WWC2: variants seen among roughly 807,000 people sequenced by gnomAD.
WWC2 encodes protein WWC2.
Under a neutral mutation model 138.5 loss-of-function variants are expected in WWC2, and 101 were observed. The observed-to-expected ratio is 0.73, with a 90% confidence interval of 0.62 to 0.86. WWC2 has a LOEUF of 0.86. Ranked by LOEUF, WWC2 falls within the 40% of genes least tolerant of loss-of-function variation. WWC2 has a pLI of 0.00. For missense variants in WWC2, 1,420 were observed against 1,419.4 expected (o/e 1.00, Z -0.01); for synonymous variants, 558 against 538.4 (o/e 1.04, Z -0.50).
chr4:183,226,095 C>CTTTTTTTTTTTTTTTT (rs11321151), intron 4 of WWC2, among the ~76,000 whole-genome samples: 8 of 113,520 alleles, frequency 7.0e-5, no homozygotes, highest in East Asian at 2.2e-4. Flanking sequence ...CTTTTCTTTT[C>CTTTTTTTTTTTTTTTT]TTTTTTTTTT....
chr4:183,119,254 T>C (rs955172063), intron 1 of WWC2, among the ~76,000 whole-genome samples: 4 of 152,156 alleles, frequency 2.6e-5, no homozygotes, highest in Non-Finnish European at 4.4e-5. Flanking sequence ...AGAAGGGCAC[T>C]AGGAATTTGG....
intron 21 of WWC2, among the ~76,000 whole-genome samples, chr4:183,301,069 A>G (rs1738824741): frequency 6.6e-6 from 1 of 152,126 alleles, no homozygotes; most frequent in African/African-American, 2.4e-5. Context: ...CAGTCAACAG[A>G]TGTCTGTTTT....
At chr4:183,272,017 G>C (rs949110843) in intron 16 of WWC2, among the ~76,000 whole-genome samples, 3 of 151,990 alleles carry the variant, frequency 2.0e-5, no homozygotes, top group African/African-American at 7.3e-5. Flanking sequence ...AAAAAATGGG[G>C]GTTAGGTTGT....
intron 1 of WWC2, among the ~76,000 whole-genome samples, chr4:183,113,523 C>T (rs372995201): frequency 1.3e-4 from 19 of 144,534 alleles, no homozygotes; most frequent in African/African-American, 3.6e-4. Context: ...TGTGCGCGCG[C>T]GTGCGCGCGC....
chr4:183,134,160 T>C (rs1161347063), intron 1 of WWC2, among the ~76,000 whole-genome samples: 2 of 152,176 alleles, frequency 1.3e-5, no homozygotes, highest in Non-Finnish European at 2.9e-5. Flanking sequence ...TTTTTGTAGT[T>C]CTTTTTGTTT....
At chr4:183,135,729 C>T (rs1733090121) in intron 1 of WWC2, among the ~76,000 whole-genome samples, 1 of 152,100 alleles carries the variant, frequency 6.6e-6, no homozygotes, top group South Asian at 2.1e-4. Flanking sequence ...CATACCTTTT[C>T]AAGTGTCTTT....
intron 1 of WWC2, among the ~76,000 whole-genome samples, chr4:183,168,521 A>G (rs1483306078): frequency 6.6e-6 from 1 of 152,326 alleles, no homozygotes; most frequent in African/African-American, 2.4e-5. Context: ...AGATGGGGTT[A>G]GAACCTAGAT....
chr4:183,133,661 T>G (rs1483906724), intron 1 of WWC2, among the ~76,000 whole-genome samples: 1 of 152,064 alleles, frequency 6.6e-6, no homozygotes, highest in East Asian at 1.9e-4. Context: ...CACGCCCAGC[T>G]AATTTTTGTA....
chr4:183,123,768 T>G (rs750226937), intron 1 of WWC2, among the ~76,000 whole-genome samples: 4 of 152,160 alleles, frequency 2.6e-5, no homozygotes, highest in Non-Finnish European at 4.4e-5. Flanking sequence ...AGTTTGTGCT[T>G]TACACTATTA....
At chr4:183,302,032 T>C (rs1738857852) in intron 21 of WWC2, among the ~76,000 whole-genome samples, 2 of 152,240 alleles carry the variant, frequency 1.3e-5, no homozygotes, top group Non-Finnish European at 2.9e-5. Context: ...ATTATTTTAA[T>C]GCATTCATTT....
intron 9 of WWC2, among the ~76,000 whole-genome samples, chr4:183,257,631 T>A (rs1351393579): frequency 6.6e-6 from 1 of 151,944 alleles, no homozygotes; most frequent in African/African-American, 2.4e-5. Flanking sequence ...CCCCTGGTTA[T>A]GGGGAAGTTG....
intron 1 of WWC2, among the ~76,000 whole-genome samples, chr4:183,126,024 T>C (rs1314829704): frequency 6.6e-6 from 1 of 152,246 alleles, no homozygotes; most frequent in African/African-American, 2.4e-5. Context: ...AAGGTCAGCA[T>C]GGCATAACCC....
chr4:183,175,054 G>A (rs1734421409), intron 1 of WWC2, among the ~76,000 whole-genome samples: 1 of 151,770 alleles, frequency 6.6e-6, no homozygotes. Context: ...TGAAGGTAAG[G>A]TACAGACAGC....
In WWC2 at chr4:183,186,373, G is replaced by A. The variant is rs374029338; in HGVS notation, c.132-7226G>A. Among the ~76,000 whole-genome samples, 74 of 152,224 alleles carry A rather than the reference G, an allele frequency of 4.9e-4. 1 individual carries two copies. In the East Asian group the frequency reaches 9.9e-3, roughly 20 times the overall value. On this transcript the variant is annotated intron_variant, in intron 1 of 22. Transcript: ENST00000403733. ...AATACTGTCTTTCAAGAGTGTATTC[G>A]TGAAGTAACTGTAGGATTAAGTGTT...
Position 183,268,688 on chromosome 4 carries a change from C to T in WWC2, c.2208-283C>T, listed in dbSNP as rs147964092. ...TGGGACGTTAAATTCGTCTGCCCTA[C>T]GGATTTTCTTCCTCTTCACTTTCCT... On this transcript the variant is annotated intron_variant, in intron 14 of 22. Coordinates refer to ENST00000403733, the MANE Select transcript of WWC2 (RefSeq NM_024949.6). Among the ~76,000 whole-genome samples, 27 of 152,256 alleles carry T rather than the reference C, an allele frequency of 1.8e-4. No homozygotes were observed. The South Asian group carries it at 1.9e-3, about 11-fold the overall frequency.
At chr4:183,166,381 C>T (rs6552646) in intron 1 of WWC2, among the ~76,000 whole-genome samples, 149,713 of 152,320 alleles carry the variant, frequency 0.98, 73,621 homozygotes, top group Middle Eastern at 1. Context: ...CCTGTGTCGG[C>T]AGAATGTCTC....
At chr4:183,227,165 A>G (rs1283812055) in intron 4 of WWC2, among the ~76,000 whole-genome samples, 1 of 152,066 alleles carries the variant, frequency 6.6e-6, no homozygotes, top group African/African-American at 2.4e-5. Context: ...TTGCCTATCT[A>G]GAGCAACAAT....
chr4:183,243,737 C>CTGTGTGTGTGTG (rs56654737), intron 5 of WWC2, among the ~76,000 whole-genome samples: 24 of 129,996 alleles, frequency 1.8e-4, no homozygotes, highest in Non-Finnish European at 1.1e-4. Flanking sequence ...ATTCTAAACA[C>CTGTGTGTGTGTG]TGTGTGTGTG....
At chr4:183,164,359 T>TATATATATTATATATAC in intron 1 of WWC2, among the ~76,000 whole-genome samples, 1 of 602 alleles carries the variant, frequency 1.7e-3, no homozygotes, top group African/African-American at 5.7e-3. Flanking sequence ...TATATATACA[T>TATATATATTATATATAC]ATATATATTA....
Sources: gnomAD v4.1 joint callset for allele counts (sites outside exome capture counted in the v4.1 genomes callset) on GRCh38, gnomAD v4.1.1 for gene constraint, MANE v1.5 for transcripts, NCBI Gene and HGNC (gene_info 2026-07-23, HGNC 2026-07-21) for gene names.